MECR: variants seen among roughly 807,000 people sequenced by gnomAD.
MECR encodes enoyl-[acyl-carrier-protein] reductase, mitochondrial.
In MECR, 37 loss-of-function variants were observed where a neutral mutation model predicts 49.1. The ratio of observed to expected loss-of-function variants is 0.75; its 90% CI spans 0.58 to 0.99. MECR has a LOEUF of 0.99. Ranked by LOEUF, MECR falls within the 50% of genes least tolerant of loss-of-function variation. MECR has a pLI of 0.00. For missense variants in MECR, 470 were observed against 479.6 expected (o/e 0.98, Z 0.19); for synonymous variants, 198 against 191.1 (o/e 1.04, Z -0.30).
intron 3 of MECR, 123 bp from the exon 4 acceptor site, chr1:29,207,028 A>C: frequency 9.9e-7 from 1 of 1,015,156 alleles, no homozygotes; most frequent in Non-Finnish European, 1.4e-6. Context: ...AGCATCCAGG[A>C]TAGCATCCAG....
At chr1:29,204,970 A>C (rs1676218984) in intron 4 of MECR, among the ~76,000 whole-genome samples, 1 of 152,222 alleles carries the variant, frequency 6.6e-6, no homozygotes, top group Admixed American at 6.5e-5. Context: ...ATCACACTCC[A>C]ACAACTGTGG....
At chr1:29,206,734 C>A (rs772934449) in intron 4 of MECR, 28 bp downstream of exon 4, 2 of 1,612,544 alleles carry the variant, frequency 1.2e-6, no homozygotes, top group South Asian at 1.1e-5. Flanking sequence ...GAGACCCTGG[C>A]CTGCTCCCCC....
rs886305102 is a variant in MECR, at chr1:29,221,212, G to GA, written c.177-4528dup. ...GGCAACAGGAGACCCTGTCTCAGGG[G>GA]AAAAAAAAAAAATCCCCTTCTCAGG... On this transcript the variant is annotated intron_variant, in intron 1 of 9. Coordinates refer to ENST00000263702, the MANE Select transcript of MECR (RefSeq NM_016011.5). 1.2e-3 allele frequency: 168 copies of GA among 144,948 alleles called. 1 individual carries two copies. The highest frequency in any genetic ancestry group is 3.2e-3 in the African/African-American group (128 of 39,632). 9.0% of individuals were successfully genotyped at this position (144,948 alleles called of 1,614,324 possible).
chr1:29,215,958 T>C (rs371806431), intron 3 of MECR, 47 bp downstream of exon 3: 82 of 1,607,580 alleles, frequency 5.1e-5, no homozygotes, highest in Admixed American at 6.7e-5. Flanking sequence ...GTGGGTGAAA[T>C]AGGATCTGGA....
chr1:29,180,794 GC>G, the MECR span, among the ~76,000 whole-genome samples: 13 of 152,136 alleles, frequency 8.5e-5, no homozygotes, highest in Non-Finnish European at 1.9e-4. Flanking sequence ...GCTCATGCTG[GC>G]ACTATTTTTG....
Position 29,203,202 on chromosome 1 carries a change from G to C in MECR, c.582C>G (p.Ser194Arg). 1 of 1,582,660 alleles carries C rather than the reference G, an allele frequency of 6.3e-7. No homozygotes were observed. Among genetic ancestry groups the C allele is most frequent in the East Asian group, 2.3e-5 (1 of 44,082 alleles). ...TCTGGATGACTGCTTGCCCCACTCCGCTGTTGGATGCATTCTGGATGACAG... is the reference window on the plus strand; with the variant it reads ...TCTGGATGACTGCTTGCCCCACTCCCCTGTTGGATGCATTCTGGATGACAG... ...GDSVIQNASN[S>R]GVGQAVIQIA... The change falls in exon 5 of 10, where the codon AGC becomes AGG. Residue 194 changes from serine (S) to arginine (R), a missense_variant. Physicochemically the swap from Ser to Arg is moderately radical, Grantham distance 110. Coordinates refer to ENST00000263702, the MANE Select transcript of MECR (RefSeq NM_016011.5).
the MECR span, among the ~76,000 whole-genome samples, chr1:29,178,353 C>CTTCTTTTTTTTTTTTTTTTTTTTT: frequency 7.8e-6 from 1 of 127,888 alleles, no homozygotes; most frequent in African/African-American, 3.0e-5. Flanking sequence ...GTTTCAATTA[C>CTTCTTTTTTTTTTTTTTTTTTTTT]TTTTTTTTTT....
At chr1:29,216,460 G>A (rs1373088338) in intron 2 of MECR, 128 bp downstream of exon 2, 3 of 990,648 alleles carry the variant, frequency 3.0e-6, no homozygotes, top group Non-Finnish European at 4.7e-6. Context: ...ACAGCCTGCA[G>A]ACGGCTCATC....
At position 29,193,844 on chromosome 1, in the gene MECR, T is replaced by G; in HGVS notation, c.*178A>C. On this transcript the variant is annotated 3_prime_UTR_variant, in exon 10 of 10. Transcript: ENST00000263702. ...TTTGGAAGGGAGAGTTCAGACTTTATTAGATACCTTAAGGCTGGCCCTGGG... is the reference window on the plus strand; with the variant it reads ...TTTGGAAGGGAGAGTTCAGACTTTAGTAGATACCTTAAGGCTGGCCCTGGG... The G allele has an allele frequency of 1.5e-6, 1 of 684,324 alleles. No individual in the cohort carries two copies. The highest frequency in any genetic ancestry group is 1.9e-5 in the South Asian group (1 of 53,328). The allele number at this position is 684,324 out of a possible 1,614,324, so 42.4% of individuals were successfully genotyped here. A position where few individuals can be genotyped will look rare whatever the true frequency, so the allele number is the denominator to read the frequency against.
intron 4 of MECR, 71 bp from the exon 5 acceptor site, chr1:29,203,304 G>C: frequency 7.9e-7 from 1 of 1,260,848 alleles, no homozygotes; most frequent in Non-Finnish European, 1.1e-6. Flanking sequence ...TCCCAGCCGG[G>C]GATCCTTCTG....
chr1:29,189,085 G>A (rs190500229), downstream of MECR, among the ~76,000 whole-genome samples: 142 of 152,042 alleles, frequency 9.3e-4, no homozygotes, highest in Non-Finnish European at 1.5e-3. Context: ...AATTACAGGC[G>A]TGCACCACCA....
At chr1:29,190,519 C>T (rs554653015), downstream of MECR, among the ~76,000 whole-genome samples, 3 of 152,008 alleles carry the variant, frequency 2.0e-5, no homozygotes, top group Non-Finnish European at 2.9e-5. Context: ...CTGGGCAGGG[C>T]GCAGTGGCTT....
intron 3 of MECR, 39 bp from the exon 4 acceptor site, chr1:29,206,944 C>T: frequency 6.2e-7 from 1 of 1,610,348 alleles, no homozygotes. Flanking sequence ...AAGGAAGGAG[C>T]CCTGTGCACA....
chr1:29,223,338 A>G, intron 1 of MECR: 1 of 968,698 alleles, frequency 1.0e-6, no homozygotes, highest in Non-Finnish European at 1.2e-6. Context: ...AAAAGAGGCC[A>G]GTACCCTGGG....
At chr1:29,179,764 G>A in the MECR span, among the ~76,000 whole-genome samples, 1 of 152,114 alleles carries the variant, frequency 6.6e-6, no homozygotes, top group African/African-American at 2.4e-5. Context: ...AGTTTAAAGC[G>A]AAAGCAAACA....
chr1:29,229,323 C>T (rs1682887662), intron 1 of MECR, among the ~76,000 whole-genome samples: 1 of 152,116 alleles, frequency 6.6e-6, no homozygotes, highest in African/African-American at 2.4e-5. Context: ...CTGCCTCAGC[C>T]TCCTGAGTAG....
chr1:29,216,808 C>T (rs1191927039), intron 1 of MECR, 123 bp from the exon 2 acceptor site: 39 of 1,548,156 alleles, frequency 2.5e-5, no homozygotes, highest in South Asian at 1.2e-4. Flanking sequence ...CCAGGAATTA[C>T]GGTTCTGTTA....
chr1:29,197,076 T>C (rs1002957635), intron 7 of MECR, among the ~76,000 whole-genome samples: 4 of 152,162 alleles, frequency 2.6e-5, no homozygotes, highest in Non-Finnish European at 4.4e-5. Context: ...GAGACGAGAA[T>C]GTATATTAAA....
Position 29,196,277 on chromosome 1 carries a change from A to G in MECR, c.831-19T>C. ...TCCACGCCTGAAAAGTCCAAAGAGA[A>G]CAAAGAGTGGATGCAAGGCAGAGAC... is the stretch of plus-strand genomic sequence containing the variant. On this transcript the variant is annotated intron_variant, in intron 7 of 9. Transcript: ENST00000263702. 2 of 1,603,202 alleles carry G rather than the reference A, an allele frequency of 1.2e-6. No individual in the cohort carries two copies. The highest frequency in any genetic ancestry group is 1.7e-6 in the Non-Finnish European group (2 of 1,172,350).
Sources: allele counts gnomAD v4.1 joint callset (sites outside exome capture counted in the v4.1 genomes callset), GRCh38; gene constraint gnomAD v4.1.1; transcripts MANE v1.5; gene names NCBI Gene and HGNC (gene_info 2026-07-23, HGNC 2026-07-21).